The following FLT4 variants were observed in gnomAD, a reference collection of about 807,000 sequenced individuals.
The protein encoded by FLT4 is vascular endothelial growth factor receptor 3.
Under a neutral mutation model 163.2 loss-of-function variants are expected in FLT4, and 30 were observed. That is an observed-to-expected ratio of 0.18 (90% CI 0.14 to 0.25). The LOEUF (loss-of-function observed/expected upper bound fraction) is 0.25, where lower values mean the gene tolerates loss of function less well. FLT4 is among the 10% of genes least tolerant of loss of function. The probability of loss-of-function intolerance (pLI) is 1.00; values close to 1 mark genes in which losing one functional copy is unlikely to be tolerated. For synonymous variants in FLT4, 884 were observed against 789.5 expected (o/e 1.12, Z -2.01); for missense variants, 1,510 against 1,863.8 (o/e 0.81, Z 3.50).
chr5:180,625,182 C>T (rs925895640), intron 10 of FLT4, among the ~76,000 whole-genome samples: 1 of 152,212 alleles, frequency 6.6e-6, no homozygotes, highest in Non-Finnish European at 1.5e-5. Flanking sequence ...AAACCTGAGC[C>T]ATGTCTCCAC....
chr5:180,616,806 A>G (rs1047904600), intron 22 of FLT4, 94 bp downstream of exon 22: 14 of 989,294 alleles, frequency 1.4e-5, no homozygotes, highest in Middle Eastern at 2.1e-4. Flanking sequence ...TGGACCACAG[A>G]GCCATTGCAG....
intron 11 of FLT4, 36 bp from the exon 12 acceptor site, chr5:180,622,875 C>T: frequency 2.8e-6 from 4 of 1,416,528 alleles, no homozygotes; most frequent in Non-Finnish European, 2.0e-6. Flanking sequence ...CATTTCCTGC[C>T]CAAGTTCTCC....
chr5:180,615,297 C>T (rs1477886636), intron 23 of FLT4, among the ~76,000 whole-genome samples: 1 of 118,452 alleles, frequency 8.4e-6, no homozygotes, highest in Non-Finnish European at 2.0e-5. Context: ...GCACTGGGCC[C>T]CGCCGGTCAC....
rs753714785 is a variant in FLT4, at chr5:180,618,795, C to T, written c.2976G>A (p.Ala992=). Residue 992 remains alanine (A), a synonymous_variant, in exon 21 of 30, where the codon GCG becomes GCA. Transcript: ENST00000261937. ...CTTCTTGGTCTGGAGAAGCCCGCCTCGCTCCGCCCTCGGTCTTCGAGAACC... is the reference window on the plus strand; with the variant it reads ...CTTCTTGGTCTGGAGAAGCCCGCCTTGCTCCGCCCTCGGTCTTCGAGAACC... The part of the protein sequence containing the change: ...FARFSKTEGG[A]RRASPDQEAE... The T allele has an allele frequency of 6.3e-7, 1 of 1,589,328 alleles. No individual in the cohort carries two copies. The highest frequency in any genetic ancestry group is 1.1e-5 in the South Asian group (1 of 87,398).
In FLT4 at chr5:180,608,262, TTCTC is replaced by T. The variant is rs936344420; in HGVS notation, c.3893+702_3893+705del. 15 of 700,782 alleles carry T rather than the reference TTCTC, an allele frequency of 2.1e-5. No homozygotes were observed. The East Asian group carries it at 3.2e-4, about 15-fold the overall frequency. 43.4% of individuals were successfully genotyped at this position (700,782 alleles called of 1,614,324 possible). On this transcript the variant is annotated intron_variant, in intron 29 of 29. Transcript: ENST00000261937. Reference sequence around the variant, plus strand: ...GAAGAAAATGCTGACGTATGCTGCCTTCTCTCTCTCTGCTTCAGCTACCTAAGAG... The same window carrying T: ...GAAGAAAATGCTGACGTATGCTGCCTTCTCTCTGCTTCAGCTACCTAAGAG...
intron 22 of FLT4, 95 bp from the exon 23 acceptor site, chr5:180,616,584 A>G: frequency 1.5e-6 from 2 of 1,378,062 alleles, no homozygotes; most frequent in Non-Finnish European, 2.0e-6. Flanking sequence ...AGTGGGGACC[A>G]TGGGGATGCC....
chr5:180,648,758 C>G (rs1765603012), intron 1 of FLT4, among the ~76,000 whole-genome samples: 1 of 152,224 alleles, frequency 6.6e-6, no homozygotes, highest in South Asian at 2.1e-4. Flanking sequence ...CCCCGCCTCT[C>G]CTGTGCAGGG....
At chr5:180,641,654 C>T (rs921511711) in intron 1 of FLT4, among the ~76,000 whole-genome samples, 4 of 152,186 alleles carry the variant, frequency 2.6e-5, no homozygotes, top group African/African-American at 9.6e-5. Context: ...GCAGCAGGAG[C>T]GTCCTGTCTG....
At chr5:180,612,733 T>C (rs1159731817) in intron 25 of FLT4, 122 bp from the exon 26 acceptor site, 1 of 746,572 alleles carries the variant, frequency 1.3e-6, no homozygotes. Context: ...TCTCCCACTC[T>C]TGTCCAGCTA....
chr5:180,630,969 C>T lies in FLT4; in HGVS notation c.156-170G>A, dbSNP rs1049123811. On this transcript the variant is annotated intron_variant, in intron 2 of 29. Coordinates refer to ENST00000261937, the MANE Select transcript of FLT4 (RefSeq NM_182925.5). The surrounding 1 kb of genome is among the most constrained non-coding windows in gnomAD (Gnocchi z 6.3). ...GTGCCCAGGGCAGGGCACTCCCCGA[C>T]CCCCGGGCCTCTACCAGGCTCCCGG... Among the ~76,000 whole-genome samples the T allele has an allele frequency of 1.1e-4, 17 of 152,100 alleles. No individual in the cohort carries two copies. Among genetic ancestry groups the T allele is most frequent in the African/African-American group, 3.6e-4 (15 of 41,418 alleles).
At chr5:180,644,937 A>G (rs1269693852) in intron 1 of FLT4, among the ~76,000 whole-genome samples, 1 of 152,222 alleles carries the variant, frequency 6.6e-6, no homozygotes, top group Non-Finnish European at 1.5e-5. Flanking sequence ...TTCCGCTTGG[A>G]GCAGCACCGT....
chr5:180,612,721 C>T, intron 25 of FLT4, 110 bp from the exon 26 acceptor site: 3 of 793,802 alleles, frequency 3.8e-6, no homozygotes, highest in Middle Eastern at 2.4e-4. Context: ...CCTCCTGACA[C>T]GTCTCCCACT....
In FLT4 at chr5:180,604,966, G is replaced by GT. The variant is rs533859534; in HGVS notation, c.3894-1577dup. On this transcript the variant is annotated intron_variant, in intron 29 of 29. Coordinates refer to ENST00000261937, the MANE Select transcript of FLT4 (RefSeq NM_182925.5). ...CCTGGTTTTAGAAAAGATTTATCGG[G>GT]TTTTTTTCCCCCAAAATGGGGGCTT... Among the ~76,000 whole-genome samples the GT allele has an allele frequency of 6.4e-4, 97 of 152,156 alleles. No homozygotes were observed. The East Asian group carries it at 7.0e-3, about 11-fold the overall frequency.
At chr5:180,637,330 GA>G (rs375090031) in intron 1 of FLT4, among the ~76,000 whole-genome samples, 36,318 of 118,630 alleles carry the variant, frequency 0.31, 5,441 homozygotes, top group East Asian at 0.58. Context: ...TCCGTCTCAG[GA>G]AAAAAAAAAA....
At chr5:180,627,147 A>G (rs1375073393) in intron 8 of FLT4, among the ~76,000 whole-genome samples, 1 of 152,072 alleles carries the variant, frequency 6.6e-6, no homozygotes, top group Non-Finnish European at 1.5e-5. Flanking sequence ...CTCTGTATGG[A>G]GATGCTCCTC....
chr5:180,644,201 T>C (rs561550650), intron 1 of FLT4, among the ~76,000 whole-genome samples: 2 of 152,310 alleles, frequency 1.3e-5, no homozygotes, highest in East Asian at 3.9e-4. Flanking sequence ...AGCCAGCAAT[T>C]TACCCATGGC....
intron 8 of FLT4, among the ~76,000 whole-genome samples, chr5:180,626,731 G>A (rs548814981): frequency 3.3e-5 from 5 of 152,346 alleles, no homozygotes; most frequent in Admixed American, 6.5e-5. Flanking sequence ...ACCTGAAGGA[G>A]TGGAGGTGCA....
rs549141464 is a variant in FLT4, at chr5:180,602,367, C to T, written c.*825G>A. On this transcript the variant is annotated 3_prime_UTR_variant, in exon 30 of 30. Transcript: ENST00000261937. ...GGAGAGCAAGGGCCTTCTCCAGAGGCACTGACTGCTCTGCTGGCCTTGACC... is the reference window on the plus strand; with the variant it reads ...GGAGAGCAAGGGCCTTCTCCAGAGGTACTGACTGCTCTGCTGGCCTTGACC... The T allele has an allele frequency of 3.3e-5, 11 of 338,354 alleles. 1 individual carries two copies. The South Asian group carries it at 1.1e-3, about 33-fold the overall frequency. 21.0% of individuals were successfully genotyped at this position (338,354 alleles called of 1,614,324 possible).
Position 180,608,362 on chromosome 5 carries a change from A to C in FLT4, c.3893+606T>G, listed in dbSNP as rs1315904381. The C allele has an allele frequency of 5.7e-6, 4 of 699,828 alleles. No homozygotes were observed. In the African/African-American group the frequency reaches 7.0e-5, roughly 12 times the overall value. 43.4% of individuals were successfully genotyped at this position (699,828 alleles called of 1,614,324 possible). On this transcript the variant is annotated intron_variant, in intron 29 of 29. Coordinates refer to ENST00000261937, the MANE Select transcript of FLT4 (RefSeq NM_182925.5). ...ATCACTTGAACGACTCACCCTCCTG[A>C]CCCTGCCCCCTTGTCTTGCATGCAA...
Sources: allele counts gnomAD v4.1 joint callset (sites outside exome capture counted in the v4.1 genomes callset), GRCh38; gene constraint gnomAD v4.1.1; non-coding constraint Gnocchi (gnomAD v3.1); transcripts MANE v1.5; gene names NCBI Gene and HGNC (gene_info 2026-07-23, HGNC 2026-07-21).